The following TPTE2 variants were observed in gnomAD, a reference collection of about 807,000 sequenced individuals.
The protein encoded by TPTE2 is phosphatidylinositol 3,4,5-trisphosphate 3-phosphatase TPTE2.
TPTE2 carries 53 observed loss-of-function variants against 78.6 expected under a neutral mutation model. That is an observed-to-expected ratio of 0.67 (90% CI 0.54 to 0.85). The LOEUF (loss-of-function observed/expected upper bound fraction) is 0.85, where lower values mean the gene tolerates loss of function less well. Among genes scored for constraint, TPTE2 ranks in the 40% least tolerant of loss-of-function variants. TPTE2 has a pLI of 0.00. For missense variants in TPTE2, 461 were observed against 623.0 expected (o/e 0.74, Z 2.77); for synonymous variants, 175 against 206.2 (o/e 0.85, Z 1.30).
At chr13:19,527,742 C>T (rs1370771640) in intron 1 of TPTE2, among the ~76,000 whole-genome samples, 1 of 152,084 alleles carries the variant, frequency 6.6e-6, no homozygotes, top group Non-Finnish European at 1.5e-5. Context: ...GTGGTGCACC[C>T]CTGTGGTCCC....
chr13:19,550,514 G>A, the TPTE2 span, among the ~76,000 whole-genome samples: 2 of 152,168 alleles, frequency 1.3e-5, no homozygotes, highest in Admixed American at 6.5e-5. Flanking sequence ...AACAGTTACA[G>A]AAACAAACTC....
chr13:19,484,881 A>C (rs1425099619), intron 3 of TPTE2, among the ~76,000 whole-genome samples: 1 of 152,178 alleles, frequency 6.6e-6, no homozygotes, highest in Non-Finnish European at 1.5e-5. Flanking sequence ...TTTACCGGTA[A>C]GATGAGTTTC....
upstream of TPTE2, among the ~76,000 whole-genome samples, chr13:19,538,265 G>C (rs59416479): frequency 0.011 from 1,742 of 152,118 alleles, 38 homozygotes; most frequent in African/African-American, 0.039. Context: ...CTGTCACCCA[G>C]GCTGGAGTGC....
Position 19,499,977 on chromosome 13 carries a change from A to G in TPTE2, c.11+3247T>C, listed in dbSNP as rs7983458. On this transcript the variant is annotated intron_variant, in intron 1 of 19. Transcript: ENST00000400230. ...AAATGATAAAGGGGATATCACCACC[A>G]ATCCCACAGAAATACAAACTACCAT... Among the ~76,000 whole-genome samples the G allele has an allele frequency of 1.7e-4, 25 of 145,408 alleles. No homozygotes were observed. The South Asian group carries it at 4.7e-3, about 28-fold the overall frequency.
At chr13:19,494,187 G>A (rs912073008) in intron 1 of TPTE2, among the ~76,000 whole-genome samples, 1 of 152,142 alleles carries the variant, frequency 6.6e-6, no homozygotes, top group Non-Finnish European at 1.5e-5. Context: ...TACTAAGGGC[G>A]ACAAGACAGT....
intron 1 of TPTE2, among the ~76,000 whole-genome samples, chr13:19,528,103 C>T (rs920141030): frequency 6.6e-6 from 1 of 151,512 alleles, no homozygotes; most frequent in Non-Finnish European, 1.5e-5. Flanking sequence ...CTTTCTTGGC[C>T]GGGTGCGGTG....
At chr13:19,558,643 A>C in the TPTE2 span, among the ~76,000 whole-genome samples, 3 of 152,224 alleles carry the variant, frequency 2.0e-5, no homozygotes, top group African/African-American at 7.2e-5. Context: ...TGCAATTAAC[A>C]GTAGCCCTTC....
intron 10 of TPTE2, among the ~76,000 whole-genome samples, chr13:19,452,986 A>ATTTATTTTAT (rs201604917): frequency 0.034 from 682 of 19,924 alleles, 12 homozygotes; most frequent in African/African-American, 0.048. Context: ...ATTTTATTTT[A>ATTTATTTTAT]TTTATTTTAT....
At chr13:19,493,478 C>G in exon 2 of TPTE2, 1 of 1,613,684 alleles carries the variant, frequency 6.2e-7, no homozygotes, top group Non-Finnish European at 8.5e-7. Context: ...CTCGGTTGTT[C>G]CTTTAAATTC....
exon 3 of TPTE2, chr13:19,492,890 C>T: frequency 6.2e-7 from 1 of 1,613,980 alleles, no homozygotes; most frequent in Non-Finnish European, 8.5e-7. Flanking sequence ...CCTTTAAATT[C>T]ACTTGTGTGT....
chr13:19,527,892 T>C (rs1489974680), intron 1 of TPTE2, among the ~76,000 whole-genome samples: 2 of 152,236 alleles, frequency 1.3e-5, no homozygotes, highest in Non-Finnish European at 2.9e-5. Context: ...GAGCTTGGAA[T>C]ACTTAGCCCT....
chr13:19,491,335 C>A (rs1880976975), intron 3 of TPTE2, among the ~76,000 whole-genome samples: 1 of 152,022 alleles, frequency 6.6e-6, no homozygotes, highest in Non-Finnish European at 1.5e-5. Flanking sequence ...ACACTATTAG[C>A]AAATACATTT....
chr13:19,530,938 T>C (rs1395397731), intron 1 of TPTE2, among the ~76,000 whole-genome samples: 2 of 152,196 alleles, frequency 1.3e-5, no homozygotes, highest in Non-Finnish European at 2.9e-5. Context: ...CCATCTCTAC[T>C]ATCCATTCTC....
intron 10 of TPTE2, among the ~76,000 whole-genome samples, chr13:19,453,215 G>T (rs1878305471): frequency 6.6e-6 from 1 of 151,512 alleles, no homozygotes; most frequent in Non-Finnish European, 1.5e-5. Context: ...TTTTAGTAGA[G>T]ACAGGGTTTC....
intron 17 of TPTE2, among the ~76,000 whole-genome samples, chr13:19,426,959 C>T (rs1312676839): frequency 6.6e-6 from 1 of 152,070 alleles, no homozygotes; most frequent in Non-Finnish European, 1.5e-5. Flanking sequence ...CCCGCCTGGG[C>T]CTCCCAAAGT....
intron 13 of TPTE2, among the ~76,000 whole-genome samples, chr13:19,442,291 C>G (rs776821321): frequency 1.3e-5 from 2 of 151,516 alleles, no homozygotes; most frequent in Non-Finnish European, 2.9e-5. Flanking sequence ...ATACAAAACT[C>G]TCATATGTTT....
chr13:19,537,222 T>C (rs530350148), upstream of TPTE2, among the ~76,000 whole-genome samples: 1 of 151,036 alleles, frequency 6.6e-6, no homozygotes, highest in African/African-American at 2.5e-5. Flanking sequence ...TGGGGGGTTG[T>C]CTTCTACTTG....
intron 1 of TPTE2, among the ~76,000 whole-genome samples, chr13:19,534,892 G>A (rs543257573): frequency 2.6e-5 from 4 of 152,146 alleles, no homozygotes; most frequent in East Asian, 3.9e-4. Context: ...GAGTAGTAAC[G>A]AGGCAAGAAT....
intron 4 of TPTE2, among the ~76,000 whole-genome samples, chr13:19,478,831 T>TA (rs948187483): frequency 1.3e-5 from 2 of 152,038 alleles, no homozygotes; most frequent in African/African-American, 4.8e-5. Flanking sequence ...TATGCAGCCA[T>TA]AAAAAAGGAT....
Sources: gnomAD v4.1 joint callset for allele counts (sites outside exome capture counted in the v4.1 genomes callset) on GRCh38, gnomAD v4.1.1 for gene constraint, MANE v1.5 for transcripts, NCBI Gene and HGNC (gene_info 2026-07-23, HGNC 2026-07-21) for gene names.